Variants in SOS1 observed in about 807,000 individuals in gnomAD.
SOS1 encodes the protein SOS Ras/Rac guanine nucleotide exchange factor 1, also known as son of sevenless homolog 1.
Under a neutral mutation model 157.6 loss-of-function variants are expected in SOS1, and 25 were observed. The observed-to-expected ratio is 0.16, with a 90% CI of 0.12 to 0.22. The LOEUF (loss-of-function observed/expected upper bound fraction) is 0.22. Ranked by LOEUF, SOS1 falls within the 10% of genes least tolerant of loss-of-function variation. The pLI, the probability that SOS1 is intolerant of heterozygous loss-of-function variation, is 1.00. For synonymous variants in SOS1, 528 were observed against 534.0 expected, an observed-to-expected ratio of 0.99 and a Z score of 0.16; for missense variants, 1,237 against 1,599.1, an observed-to-expected ratio of 0.77 and a Z score of 3.86.
At chr2:38,992,177 A>G (rs927092237) in intron 20 of SOS1, 1 of 152,226 alleles carries the variant, frequency 6.6e-6, no homozygotes, top group African/African-American at 2.4e-5. Flanking sequence ...TGGCACTCGC[A>G]CATCTGTTAG....
At chr2:38,991,504 A>T (rs966102781) in intron 20 of SOS1, among the ~76,000 whole-genome samples, 1 of 152,200 alleles carries the variant, frequency 6.6e-6, no homozygotes, top group Non-Finnish European at 1.5e-5. Flanking sequence ...TCTCTATTAT[A>T]GCAGCAGAAA....
intron 1 of SOS1, among the ~76,000 whole-genome samples, chr2:39,109,395 G>T (rs1326521255): frequency 6.6e-6 from 1 of 151,960 alleles, no homozygotes; most frequent in Non-Finnish European, 1.5e-5. Flanking sequence ...TAATGCAACA[G>T]AACCCTTTTT....
chr2:39,038,200 C>T (rs1373610252), intron 6 of SOS1, among the ~76,000 whole-genome samples: 2 of 152,182 alleles, frequency 1.3e-5, no homozygotes, highest in Non-Finnish European at 2.9e-5. Flanking sequence ...CCAGTAAGAA[C>T]ATTTGTTATT....
intron 6 of SOS1, among the ~76,000 whole-genome samples, chr2:39,041,163 A>G (rs547158384): frequency 6.6e-6 from 1 of 152,218 alleles, no homozygotes; most frequent in South Asian, 2.1e-4. Flanking sequence ...GGCTCAAGCA[A>G]TCCTCCCACC....
At chr2:39,095,899 C>T (rs957971799) in intron 1 of SOS1, among the ~76,000 whole-genome samples, 19 of 152,152 alleles carry the variant, frequency 1.2e-4, no homozygotes, top group Admixed American at 3.3e-4. Flanking sequence ...AGTCAGTCAA[C>T]GGTGCTTTCA....
At chr2:39,037,734 C>T (rs1445749517) in intron 6 of SOS1, among the ~76,000 whole-genome samples, 1 of 151,930 alleles carries the variant, frequency 6.6e-6, no homozygotes, top group Non-Finnish European at 1.5e-5. Flanking sequence ...TTTCAAACTT[C>T]TTCACCATTA....
At chr2:39,030,949 G>C (rs559800889) in intron 8 of SOS1, among the ~76,000 whole-genome samples, 5 of 152,132 alleles carry the variant, frequency 3.3e-5, no homozygotes, top group Non-Finnish European at 7.4e-5. Context: ...AAAGACGGGA[G>C]TGATGGCATC....
chr2:39,054,882 T>C (rs1671152457), intron 4 of SOS1, 59 bp from the exon 5 acceptor site: 1 of 907,710 alleles, frequency 1.1e-6, no homozygotes, highest in East Asian at 2.4e-5. Flanking sequence ...TAGAATTTGA[T>C]GTGAAATGCT....
At chr2:39,006,582 CA>C (rs904076123) in intron 16 of SOS1, 53 bp from the exon 17 acceptor site, 72 of 893,266 alleles carry the variant, frequency 8.1e-5, no homozygotes, top group Admixed American at 1.2e-4. Flanking sequence ...AAGGTCTTGT[CA>C]AAAAAAATAC....
intron 1 of SOS1, among the ~76,000 whole-genome samples, chr2:39,105,382 G>A (rs932420733): frequency 1.3e-5 from 2 of 151,430 alleles, no homozygotes; most frequent in South Asian, 4.2e-4. Context: ...ATCCTAAAGT[G>A]CTGGGATTAC....
At chr2:39,018,167 T>C (rs1435843031) in intron 10 of SOS1, among the ~76,000 whole-genome samples, 1 of 151,876 alleles carries the variant, frequency 6.6e-6, no homozygotes, top group African/African-American at 2.4e-5. Context: ...CAAAAACATA[T>C]AATCCTAGAA....
chr2:39,066,610 C>T (rs1671597595), intron 2 of SOS1, among the ~76,000 whole-genome samples: 1 of 152,188 alleles, frequency 6.6e-6, no homozygotes, highest in South Asian at 2.1e-4. Context: ...ACTCTTTACT[C>T]ATAGAATATC....
chr2:39,056,642 A>C (rs1671224057), intron 4 of SOS1, 60 bp downstream of exon 4: 10 of 1,013,468 alleles, frequency 9.9e-6, no homozygotes, highest in Non-Finnish European at 1.6e-5. Flanking sequence ...ATAGTACGTT[A>C]GCATCTAATA....
At chr2:39,113,255 A>G (rs765054832) in intron 1 of SOS1, among the ~76,000 whole-genome samples, 33 of 151,976 alleles carry the variant, frequency 2.2e-4, no homozygotes, top group Non-Finnish European at 4.6e-4. Flanking sequence ...CAGTAGCCCA[A>G]TCATAGCTCA....
In SOS1 at chr2:38,984,800, T is replaced by C. The variant is rs554292425; in HGVS notation, c.*1024A>G. 3.9e-5 allele frequency: 6 copies of C among 152,334 alleles called. No homozygotes were observed. The highest frequency in any genetic ancestry group is 1.2e-4 in the African/African-American group (5 of 41,588). The allele number at this position is 152,334 out of a possible 1,614,324, so 9.4% of individuals were successfully genotyped here. On this transcript the variant is annotated 3_prime_UTR_variant, in exon 23 of 23. Transcript: ENST00000402219. Reference sequence around the variant, plus strand: ...CAGGTATATTATATAACATTCACTATATACATATGATTTAGGCAATGCAAG... The same window carrying C: ...CAGGTATATTATATAACATTCACTACATACATATGATTTAGGCAATGCAAG...
At chr2:39,040,705 A>G (rs1345129811) in intron 6 of SOS1, among the ~76,000 whole-genome samples, 1 of 152,180 alleles carries the variant, frequency 6.6e-6, no homozygotes, top group African/African-American at 2.4e-5. Context: ...TTCTACTGTA[A>G]TGTATTTACC....
At chr2:39,114,116 G>C (rs1246113339) in intron 1 of SOS1, among the ~76,000 whole-genome samples, 1 of 151,696 alleles carries the variant, frequency 6.6e-6, no homozygotes, top group African/African-American at 2.4e-5. Context: ...CTTTTTCTGA[G>C]ACAGGGTTTT....
Position 39,015,197 on chromosome 2 carries a change from C to T in SOS1, c.1859-351G>A, listed in dbSNP as rs149945079. ...CAAAGTATCACCAGTTGGTTTATCC[C>T]CCTTATAAAGAGAAAGGCCACAGCA... On this transcript the variant is annotated intron_variant, in intron 10 of 22. Coordinates refer to ENST00000402219, the MANE Select transcript of SOS1 (RefSeq NM_005633.4). Among the ~76,000 whole-genome samples the T allele has an allele frequency of 1.0e-3, 156 of 151,792 alleles. 1 individual carries two copies. The highest frequency in any genetic ancestry group is 4.6e-4 in the Non-Finnish European group (31 of 67,904).
intron 1 of SOS1, among the ~76,000 whole-genome samples, chr2:39,080,385 C>G (rs1182367570): frequency 6.6e-6 from 1 of 152,104 alleles, no homozygotes; most frequent in South Asian, 2.1e-4. Flanking sequence ...GCTCACTCAC[C>G]CACTGCTCAC....
Sources: gnomAD v4.1 joint callset for allele counts (sites outside exome capture counted in the v4.1 genomes callset) on GRCh38, gnomAD v4.1.1 for gene constraint, MANE v1.5 for transcripts, NCBI Gene and HGNC (gene_info 2026-07-23, HGNC 2026-07-21) for gene names.